The following PABPC4 variants were observed in gnomAD, a reference collection of about 807,000 sequenced individuals.
PABPC4 encodes polyadenylate-binding protein 4.
Under a neutral mutation model 74.5 loss-of-function variants are expected in PABPC4, and 15 were observed. That is an observed-to-expected ratio of 0.20 (90% confidence interval 0.13 to 0.31). The LOEUF (loss-of-function observed/expected upper bound fraction) is 0.31. PABPC4 is among the 10% of genes least tolerant of loss of function. The pLI is 1.00. For synonymous variants in PABPC4, 345 were observed against 303.0 expected (o/e 1.14, Z -1.44); for missense variants, 610 against 853.5 (o/e 0.71, Z 3.55).
chr1:39,563,301 T>A (rs183566636), intron 12 of PABPC4: 11 of 303,366 alleles, frequency 3.6e-5, no homozygotes, highest in Admixed American at 3.4e-4. Context: ...AAGGATCCAA[T>A]AGGTCATTGG....
intron 12 of PABPC4, 158 bp downstream of exon 12, chr1:39,563,456 T>C: frequency 2.1e-6 from 2 of 936,718 alleles, no homozygotes; most frequent in Non-Finnish European, 3.1e-6. Context: ...TCTTTCCCAC[T>C]AGTGAGCCCC....
chr1:39,564,215 C>T (rs141833180), intron 10 of PABPC4: 49 of 647,054 alleles, frequency 7.6e-5, no homozygotes, highest in African/African-American at 3.1e-4. Context: ...CATAGGTCAC[C>T]GATGAGCAAA....
chr1:39,562,099 C>CT lies in PABPC4; in HGVS notation c.1866dup (p.Glu623ArgfsTer12). The CT allele has an allele frequency of 6.2e-7, 1 of 1,613,450 alleles. No individual in the cohort carries two copies. Among genetic ancestry groups the CT allele is most frequent in the Non-Finnish European group, 8.5e-7 (1 of 1,180,022 alleles). On this transcript the variant is annotated frameshift_variant, in exon 14 of 16. Transcript: ENST00000372858. LOFTEE classifies it high-confidence loss of function. Reference sequence around the variant, plus strand: ...TTGGAGCGGAGAGACTCGGGGGACTCTAACATGTGCAGCAGCTCAGAGTTG... The same window carrying CT: ...TTGGAGCGGAGAGACTCGGGGGACTCTTAACATGTGCAGCAGCTCAGAGTTG...
intron 1 of PABPC4, among the ~76,000 whole-genome samples, chr1:39,574,080 C>T (rs925586875): frequency 6.6e-6 from 1 of 152,088 alleles, no homozygotes; most frequent in Non-Finnish European, 1.5e-5. Context: ...CCAACTCTGC[C>T]GCTCCACAAG....
chr1:39,568,186 G>A (rs1295656358), intron 6 of PABPC4: 1 of 187,334 alleles, frequency 5.3e-6, no homozygotes, highest in African/African-American at 2.4e-5. Flanking sequence ...GAACCCGGGA[G>A]GCGGAGTTTG....
Position 39,575,964 on chromosome 1 carries a change from C to G in PABPC4, c.-13G>C, listed in dbSNP as rs373808239. 174 of 1,521,674 alleles carry G rather than the reference C, an allele frequency of 1.1e-4. 2 individuals carry two copies. The African/African-American group carries it at 2.0e-3, about 17-fold the overall frequency. The allele number at this position is 1,521,674 out of a possible 1,614,324, so 94.3% of individuals were successfully genotyped here. A position where few individuals can be genotyped will look rare whatever the true frequency, so the allele number is the denominator to read the frequency against. On this transcript the variant is annotated 5_prime_UTR_variant, in exon 1 of 16. Transcript: ENST00000372858. ...CCGCAGCGTTCATCTCCCCGCCCCC[C>G]ACCACCCCGAGCCCCGCCAGGAGGA...
At chr1:39,569,160 A>G (rs1557717601) in intron 5 of PABPC4, among the ~76,000 whole-genome samples, 2 of 152,238 alleles carry the variant, frequency 1.3e-5, no homozygotes, top group Non-Finnish European at 2.9e-5. Context: ...ACAGGTGTAT[A>G]AACACAAGTG....
Position 39,576,059 on chromosome 1 carries a change from T to G in PABPC4, c.-108A>C. On this transcript the variant is annotated 5_prime_UTR_variant, in exon 1 of 16. Coordinates refer to ENST00000372858, the MANE Select transcript of PABPC4 (RefSeq NM_001135653.2). The stretch of plus-strand genomic sequence containing the variant: ...CCGGGCCCGCGCCGCGGCTCACAGG[T>G]GGCACCGGCGCGGCGAGGACGAGCT... 2.7e-6 allele frequency: 2 copies of G among 746,302 alleles called. No homozygotes were observed. Among genetic ancestry groups the G allele is most frequent in the Non-Finnish European group, 4.0e-6 (2 of 498,368 alleles). 46.2% of individuals were successfully genotyped at this position (746,302 alleles called of 1,614,324 possible).
chr1:39,563,551 CTTCTT>C, intron 12 of PABPC4, 58 bp downstream of exon 12: 1 of 1,572,746 alleles, frequency 6.4e-7, no homozygotes, highest in Non-Finnish European at 8.6e-7. Context: ...AAAAGCACAG[CTTCTT>C]TTACATCAAG....
chr1:39,568,193 T>C (rs1333978449), intron 6 of PABPC4: 1 of 179,774 alleles, frequency 5.6e-6, no homozygotes, highest in Non-Finnish European at 1.1e-5. Context: ...GGAGGCGGAG[T>C]TTGCAGTGAG....
At chr1:39,568,530 T>G in intron 6 of PABPC4, 2 of 347,880 alleles carry the variant, frequency 5.7e-6, no homozygotes, top group South Asian at 7.4e-5. Context: ...AGGAGTCTCA[T>G]TTAAGTAAAA....
In PABPC4 at chr1:39,575,941, G is replaced by C. The variant is rs1646019495; in HGVS notation, c.11C>G (p.Ala4Gly). The C allele has an allele frequency of 6.3e-7, 1 of 1,585,652 alleles. No individual in the cohort carries two copies. The highest frequency in any genetic ancestry group is 1.4e-5 in the African/African-American group (1 of 73,314). The change falls in exon 1 of 16, where the codon GCG becomes GGG. Residue 4 changes from alanine (A) to glycine (G), a missense_variant. By Grantham distance (60) the Ala-to-Gly change is moderately conservative. Coordinates refer to ENST00000372858, the MANE Select transcript of PABPC4 (RefSeq NM_001135653.2). The stretch of plus-strand genomic sequence containing the variant: ...GGAGGCCATGGGGTAGCTGCTGGCC[G>C]CAGCGTTCATCTCCCCGCCCCCCAC... MNA[A>G]ASSYPMASLY...
chr1:39,572,357 T>C (rs1202288991), intron 2 of PABPC4, 36 bp downstream of exon 2: 9 of 1,438,346 alleles, frequency 6.3e-6, no homozygotes, highest in Non-Finnish European at 8.8e-6. Context: ...AAGAATCAAT[T>C]AATTATTCTG....
chr1:39,562,008 T>C, intron 14 of PABPC4, 65 bp downstream of exon 14: 1 of 1,568,444 alleles, frequency 6.4e-7, no homozygotes, highest in Non-Finnish European at 8.7e-7. Flanking sequence ...CACCTGGGCA[T>C]CCAAGTTTGC....
chr1:39,575,939 C>A lies in PABPC4; in HGVS notation c.13G>T (p.Ala5Ser), dbSNP rs1646019442. The A allele has an allele frequency of 4.4e-6, 7 of 1,589,572 alleles. No individual in the cohort carries two copies. The highest frequency in any genetic ancestry group is 1.8e-4 in the Middle Eastern group (1 of 5,622). MNAA[A>S]SSYPMASLYV... ...AGGGAGGCCATGGGGTAGCTGCTGG[C>A]CGCAGCGTTCATCTCCCCGCCCCCC... The change falls in exon 1 of 16, where the codon GCC becomes TCC. Residue 5 changes from alanine (A) to serine (S), a missense_variant. Around this residue, in one of 4 missense-constraint regions of PABPC4, gnomAD observed 304 missense variants for 478.9 expected, o/e 0.63. Transcript: ENST00000372858.
chr1:39,564,438 T>TAG lies in PABPC4; in HGVS notation c.1436_1437dup (p.Thr480LeufsTer28). 6.2e-7 allele frequency: 1 copy of TAG among 1,613,902 alleles called. No individual in the cohort carries two copies. The highest frequency in any genetic ancestry group is 8.5e-7 in the Non-Finnish European group (1 of 1,180,010). Reference sequence around the variant, plus strand: ...GTTTGCTCACCGACTCTCTGAGTGGTAGTAGGGAGGCCACGAGAGGCCGGA... The same window carrying TAG: ...GTTTGCTCACCGACTCTCTGAGTGGTAGAGTAGGGAGGCCACGAGAGGCCGGA... On this transcript the variant is annotated frameshift_variant, in exon 10 of 16. Transcript: ENST00000372858. LOFTEE classifies it high-confidence loss of function.
Position 39,563,640 on chromosome 1 carries a change from G to C in PABPC4, c.1642C>G (p.Pro548Ala). 6.2e-7 allele frequency: 1 copy of C among 1,614,174 alleles called. No homozygotes were observed. The highest frequency in any genetic ancestry group is 8.5e-7 in the Non-Finnish European group (1 of 1,180,030). ...PYKYASSVRS[P>A]HPAIQPLQAP... ...TGCAGAGGCTGTATGGCAGGATGAG[G>C]GCTGCGGACACTGGAGGCGTATTTG... Residue 548 changes from proline to alanine, a missense_variant, in exon 12 of 16, where the codon CCT (proline) becomes GCT (alanine). Physicochemically the swap from Pro to Ala is conservative, Grantham distance 27. This residue lies in a region of PABPC4 where 277 missense variants were observed against 301.8 expected (regional missense o/e 0.92). Coordinates refer to ENST00000372858, the MANE Select transcript of PABPC4 (RefSeq NM_001135653.2).
At chr1:39,568,093 T>C (rs569599794) in intron 6 of PABPC4, 2 of 300,356 alleles carry the variant, frequency 6.7e-6, no homozygotes, top group Non-Finnish European at 1.2e-5. Context: ...CCGTCTCTAC[T>C]AAAAATACAA....
chr1:39,571,168 G>C, intron 3 of PABPC4, 66 bp downstream of exon 3: 1 of 1,610,428 alleles, frequency 6.2e-7, no homozygotes, highest in Non-Finnish European at 8.5e-7. Flanking sequence ...GTGTGTGCCA[G>C]TTAATAGCGA....
Sources: allele counts gnomAD v4.1 joint callset (sites outside exome capture counted in the v4.1 genomes callset), GRCh38; gene constraint gnomAD v4.1.1; regional missense constraint gnomAD v4.1.1; transcripts MANE v1.5; gene names NCBI Gene and HGNC (gene_info 2026-07-23, HGNC 2026-07-21).